PPP2R2C: variants seen among roughly 807,000 people sequenced by gnomAD.
PPP2R2C encodes the protein protein phosphatase 2 regulatory subunit Bgamma, also known as protein phosphatase 2, regulatory subunit B, gamma.
PPP2R2C carries 10 observed loss-of-function variants against 45.3 expected under a neutral mutation model. The observed-to-expected ratio is 0.22, with a 90% confidence interval of 0.14 to 0.37. The LOEUF (loss-of-function observed/expected upper bound fraction) is 0.37, where lower values mean the gene tolerates loss of function less well. Among genes scored for constraint, PPP2R2C ranks in the 10% least tolerant of loss-of-function variants. PPP2R2C has a pLI of 1.00. For missense variants in PPP2R2C, 308 were observed against 619.7 expected (o/e 0.50, Z 5.34); for synonymous variants, 257 against 245.4 (o/e 1.05, Z -0.44).
upstream of PPP2R2C, among the ~76,000 whole-genome samples, chr4:6,475,191 G>A (rs929962421): frequency 6.6e-6 from 1 of 152,034 alleles, no homozygotes; most frequent in Non-Finnish European, 1.5e-5. Flanking sequence ...GGAGATGAAC[G>A]GGGATGGAGA....
In PPP2R2C at chr4:6,456,306, TTCC is replaced by T. The variant is rs1721028926; in HGVS notation, c.70+15851_70+15853del. 1.2e-3 allele frequency among the ~76,000 whole-genome samples: 23 copies of T among 19,388 alleles called. No homozygotes were observed. The South Asian group carries it at 0.028, about 24-fold the overall frequency. The allele number at this position is 19,388 out of a possible 152,430, so 12.7% of individuals were successfully genotyped here. A position where few individuals can be genotyped will look rare whatever the true frequency, so the allele number is the denominator to read the frequency against. On this transcript the variant is annotated intron_variant, in intron 1 of 8. Transcript: ENST00000382599. ...GGAGTAGTGAAATGAAGGATGTTATTTCCCCCCCCCCCCTTTATTCTACTGTCT... is the reference window on the plus strand; with the variant it reads ...GGAGTAGTGAAATGAAGGATGTTATTCCCCCCCCCCTTTATTCTACTGTCT...
intron 6 of PPP2R2C, among the ~76,000 whole-genome samples, chr4:6,337,994 C>T (rs1352323822): frequency 2.0e-5 from 3 of 151,966 alleles, no homozygotes; most frequent in African/African-American, 7.3e-5. Flanking sequence ...ATCTACTATT[C>T]CATATCAATC....
chr4:6,558,697 G>A (rs141900382), intron 1 of PPP2R2C, among the ~76,000 whole-genome samples: 1 of 152,224 alleles, frequency 6.6e-6, no homozygotes, highest in East Asian at 1.9e-4. Context: ...CCAGCAAAGA[G>A]TGCAACAGTG....
At chr4:6,428,469 C>T (rs1321489765) in intron 1 of PPP2R2C, among the ~76,000 whole-genome samples, 1 of 152,222 alleles carries the variant, frequency 6.6e-6, no homozygotes, top group Non-Finnish European at 1.5e-5. Flanking sequence ...AGTCCGGGAG[C>T]TCAGGTGGTT....
chr4:6,426,266 G>A (rs949671850), intron 1 of PPP2R2C, among the ~76,000 whole-genome samples: 3 of 152,208 alleles, frequency 2.0e-5, no homozygotes, highest in African/African-American at 7.2e-5. Flanking sequence ...GTGAGAGGGA[G>A]GCGGTCGGAG....
chr4:6,396,503 T>TG (rs1392606093), intron 1 of PPP2R2C, among the ~76,000 whole-genome samples: 2 of 152,328 alleles, frequency 1.3e-5, no homozygotes, highest in Non-Finnish European at 2.9e-5. Context: ...CAGTTTTTCC[T>TG]GGAGACACCA....
intron 5 of PPP2R2C, among the ~76,000 whole-genome samples, chr4:6,363,618 C>T (rs1313177531): frequency 1.3e-5 from 2 of 152,088 alleles, no homozygotes; most frequent in Admixed American, 6.5e-5. Context: ...ATACTACCAC[C>T]ATGGCCAAAT....
chr4:6,383,705 T>TA (rs1365989363), intron 1 of PPP2R2C: 3 of 687,460 alleles, frequency 4.4e-6, no homozygotes, highest in Non-Finnish European at 5.8e-6. Context: ...TTTCTTTCTG[T>TA]AAAGGCTTTT....
chr4:6,337,112 G>GTATA (rs61657951), intron 6 of PPP2R2C, among the ~76,000 whole-genome samples: 1,048 of 29,858 alleles, frequency 0.035, 113 homozygotes, highest in Non-Finnish European at 0.045. Flanking sequence ...ATGTGTGTGT[G>GTATA]TATATATATA....
At chr4:6,347,001 G>C (rs1420786725) in intron 6 of PPP2R2C, among the ~76,000 whole-genome samples, 1 of 152,224 alleles carries the variant, frequency 6.6e-6, no homozygotes, top group Non-Finnish European at 1.5e-5. Context: ...GCCCTGCAGG[G>C]CTGTCTGGGA....
intron 5 of PPP2R2C, among the ~76,000 whole-genome samples, chr4:6,371,401 C>T (rs567854353): frequency 6.6e-6 from 1 of 152,244 alleles, no homozygotes; most frequent in Non-Finnish European, 1.5e-5. Context: ...GCCTCCCCTG[C>T]TCCCCACAGC....
At chr4:6,467,258 CTCT>C (rs1264102471) in intron 1 of PPP2R2C, among the ~76,000 whole-genome samples, 2 of 152,226 alleles carry the variant, frequency 1.3e-5, no homozygotes, top group Non-Finnish European at 2.9e-5. Context: ...AATGTCCCCC[CTCT>C]TAGCCTCAGT....
intron 2 of PPP2R2C, among the ~76,000 whole-genome samples, chr4:6,530,426 G>T (rs1257766752): frequency 1.3e-5 from 2 of 152,126 alleles, no homozygotes; most frequent in East Asian, 3.9e-4. Flanking sequence ...TGAAACCCTG[G>T]GATCCCCTCT....
At chr4:6,561,367 G>A (rs535527715) in intron 1 of PPP2R2C, among the ~76,000 whole-genome samples, 1 of 152,164 alleles carries the variant, frequency 6.6e-6, no homozygotes, top group African/African-American at 2.4e-5. Flanking sequence ...GAGAAAGTGA[G>A]CACTTTTAAC....
In PPP2R2C at chr4:6,458,603, A is replaced by G. The variant is rs112670620; in HGVS notation, c.70+13557T>C. Among the ~76,000 whole-genome samples the G allele has an allele frequency of 7.9e-3, 1,199 of 152,296 alleles. 10 individuals carry two copies. Among genetic ancestry groups the G allele is most frequent in the Non-Finnish European group, 9.3e-3 (633 of 68,022 alleles). ...GAGGGGGTACTTAAACATTCAGATC[A>G]TAGCAGGAAGGCAAGGAGGCAGCAC... On this transcript the variant is annotated intron_variant, in intron 1 of 8. Coordinates refer to ENST00000382599, the MANE Select transcript of PPP2R2C (RefSeq NM_020416.4).
chr4:6,547,757 A>G lies in PPP2R2C; in HGVS notation c.-58-12380T>C, dbSNP rs116352815. Among the ~76,000 whole-genome samples, 1,162 of 152,278 alleles carry G rather than the reference A, an allele frequency of 7.6e-3. 15 individuals carry two copies. The highest frequency in any genetic ancestry group is 0.027 in the African/African-American group (1,106 of 41,530). ...GTGGTGCTGAAACAACCGGACATCC[A>G]TATGCAAAAACGCAACGGGACACAG... is the stretch of plus-strand genomic sequence containing the variant. On this transcript the variant is annotated intron_variant, in intron 1 of 9. Transcript: ENST00000506140.
At chr4:6,339,294 A>G (rs1733258881) in intron 6 of PPP2R2C, among the ~76,000 whole-genome samples, 1 of 152,154 alleles carries the variant, frequency 6.6e-6, no homozygotes, top group Non-Finnish European at 1.5e-5. Flanking sequence ...GTCACTGATC[A>G]TCTTGGCGCC....
At position 6,533,439 on chromosome 4, in the gene PPP2R2C, C is replaced by G. The variant is rs532794099; in HGVS notation, c.49+1832G>C. 3.3e-5 allele frequency among the ~76,000 whole-genome samples: 5 copies of G among 152,322 alleles called. No homozygotes were observed. In the East Asian group the frequency reaches 5.8e-4, roughly 18 times the overall value. ...CAAAGACCTGTCCTCCTGCCCCAAA[C>G]AAAAGGTGCCCCAGCACAGGCAGAA... On this transcript the variant is annotated intron_variant, in intron 2 of 9. Transcript: ENST00000506140.
chr4:6,461,207 C>T (rs912650375), intron 1 of PPP2R2C, among the ~76,000 whole-genome samples: 4 of 152,204 alleles, frequency 2.6e-5, no homozygotes, highest in Non-Finnish European at 4.4e-5. Context: ...GCACCGTGCA[C>T]GTGTGGACAC....
Sources: allele counts gnomAD v4.1 joint callset (sites outside exome capture counted in the v4.1 genomes callset), GRCh38; gene constraint gnomAD v4.1.1; transcripts MANE v1.5; gene names NCBI Gene and HGNC (gene_info 2026-07-23, HGNC 2026-07-21).